The following ABLIM1 variants were observed in gnomAD, a reference collection of about 807,000 sequenced individuals.
The protein encoded by ABLIM1 is actin-binding LIM protein 1.
A neutral mutation model predicts 107.0 loss-of-function variants in ABLIM1; 40 were observed. The ratio of observed to expected loss-of-function variants is 0.37; its 90% CI spans 0.29 to 0.49. The LOEUF is 0.49. Ranked by LOEUF, ABLIM1 falls within the 20% of genes least tolerant of loss-of-function variation. ABLIM1 has a pLI of 0.97. For synonymous variants in ABLIM1, 357 were observed against 357.3 expected, an observed-to-expected ratio of 1.00 and a Z score of 0.01; for missense variants, 857 against 1,008.5, an observed-to-expected ratio of 0.85 and a Z score of 2.04.
intron 1 of ABLIM1, chr10:114,690,688 A>ATTT: frequency 7.4e-6 from 3 of 405,544 alleles, no homozygotes; most frequent in South Asian, 3.9e-5. Context: ...GCAAAAGCCT[A>ATTT]TTTTTTTTTT....
chr10:114,568,184 A>G (rs2071066276), intron 4 of ABLIM1, among the ~76,000 whole-genome samples: 1 of 133,034 alleles, frequency 7.5e-6, no homozygotes, highest in African/African-American at 3.3e-5. Context: ...GCGACAGAGC[A>G]AGACTCCGTC....
At chr10:114,586,517 T>C (rs1347705148) in intron 2 of ABLIM1, among the ~76,000 whole-genome samples, 1 of 152,240 alleles carries the variant, frequency 6.6e-6, no homozygotes, top group East Asian at 1.9e-4. Context: ...TTTAAGTATA[T>C]CATGGGTTCT....
chr10:114,752,701 T>C (rs1251414356), intron 1 of ABLIM1, among the ~76,000 whole-genome samples: 1 of 152,208 alleles, frequency 6.6e-6, no homozygotes, highest in Non-Finnish European at 1.5e-5. Flanking sequence ...TTTGGTTTTC[T>C]GTTCCTGAGT....
At chr10:114,609,054 AG>A (rs2076632018) in intron 1 of ABLIM1, among the ~76,000 whole-genome samples, 1 of 152,046 alleles carries the variant, frequency 6.6e-6, no homozygotes, top group Non-Finnish European at 1.5e-5. Context: ...CAAATCATCA[AG>A]CCTAAAGTTC....
At chr10:114,669,969 A>C (rs1346004243) in intron 1 of ABLIM1, among the ~76,000 whole-genome samples, 1 of 152,214 alleles carries the variant, frequency 6.6e-6, no homozygotes, top group African/African-American at 2.4e-5. Context: ...GTAATGCCTA[A>C]AAATGTAGAA....
chr10:114,713,180 G>A (rs1236575990), intron 1 of ABLIM1, among the ~76,000 whole-genome samples: 1 of 152,320 alleles, frequency 6.6e-6, no homozygotes, highest in Non-Finnish European at 1.5e-5. Context: ...ATCCTGGTAT[G>A]AGAAAATGCC....
At chr10:114,472,943 G>A in intron 10 of ABLIM1, 34 bp downstream of exon 10, 10 of 1,486,400 alleles carry the variant, frequency 6.7e-6, no homozygotes, top group Non-Finnish European at 9.0e-6. Flanking sequence ...AAGGTAAATT[G>A]TTGTACAACT....
At chr10:114,607,923 C>T (rs1214453676) in intron 1 of ABLIM1, among the ~76,000 whole-genome samples, 2 of 152,200 alleles carry the variant, frequency 1.3e-5, no homozygotes, top group East Asian at 1.9e-4. Context: ...TAGTTCATAA[C>T]AGTGTGCCAA....
At chr10:114,721,517 T>C (rs2081847628) in intron 1 of ABLIM1, among the ~76,000 whole-genome samples, 1 of 152,080 alleles carries the variant, frequency 6.6e-6, no homozygotes, top group Non-Finnish European at 1.5e-5. Context: ...AGTCTCCCTC[T>C]GTCACACAGG....
In ABLIM1 at chr10:114,704,575, T is replaced by C. The variant is rs557781841; in HGVS notation, c.-213+63486A>G. On this transcript the variant is annotated intron_variant, in intron 1 of 15. Coordinates refer to the ABLIM1 transcript ENST00000651092. ...TAAATTGGTTATAGCTCATTTATGC[T>C]TCATATCACTTTCTATAAAGTGATT... Among the ~76,000 whole-genome samples, 10 of 150,314 alleles carry C rather than the reference T, an allele frequency of 6.7e-5. No individual in the cohort carries two copies. The East Asian group carries it at 2.0e-3, about 29-fold the overall frequency.
rs188940362 is a variant in ABLIM1 at position 114,571,286 on chromosome 10, G to A, written c.673+11C>T. The A allele has an allele frequency of 3.9e-4, 636 of 1,613,404 alleles. No individual in the cohort carries two copies. In the African/African-American group the frequency reaches 5.4e-3, roughly 14 times the overall value. On this transcript the variant is annotated intron_variant, in intron 4 of 22. Transcript: ENST00000533213. ...TAGGTATTCACGTCAGTGGGTCACC[G>A]GGGCACTTACTGCTGGAGAAGGTGG...
At chr10:114,590,883 G>T (rs1371104988) in intron 2 of ABLIM1, among the ~76,000 whole-genome samples, 1 of 152,148 alleles carries the variant, frequency 6.6e-6, no homozygotes, top group South Asian at 2.1e-4. Flanking sequence ...ATTTGGTCTT[G>T]GTTGATCTTA....
chr10:114,511,306 T>C (rs1210199990), intron 6 of ABLIM1, among the ~76,000 whole-genome samples: 7 of 151,920 alleles, frequency 4.6e-5, no homozygotes, highest in African/African-American at 1.7e-4. Flanking sequence ...ATCCACGAGA[T>C]TTTATTCTAT....
At chr10:114,495,345 C>T (rs146796866) in intron 6 of ABLIM1, among the ~76,000 whole-genome samples, 457 of 152,126 alleles carry the variant, frequency 3.0e-3, no homozygotes, top group Non-Finnish European at 4.8e-3. Flanking sequence ...AGATCACAAG[C>T]TCTTGGAACC....
chr10:114,486,907 G>A (rs2058277007), intron 8 of ABLIM1, among the ~76,000 whole-genome samples: 1 of 152,120 alleles, frequency 6.6e-6, no homozygotes, highest in African/African-American at 2.4e-5. Flanking sequence ...CTGTGCATAC[G>A]TGTGGTTCAT....
chr10:114,636,952 G>C (rs2078509356), intron 1 of ABLIM1, among the ~76,000 whole-genome samples: 1 of 149,666 alleles, frequency 6.7e-6, no homozygotes, highest in African/African-American at 2.5e-5. Flanking sequence ...AGAATCGCTT[G>C]AACCCAGGAG....
intron 2 of ABLIM1, among the ~76,000 whole-genome samples, chr10:114,589,255 C>T (rs2074560843): frequency 6.9e-6 from 1 of 145,556 alleles, no homozygotes; most frequent in African/African-American, 2.5e-5. Flanking sequence ...CTTTGCTGGG[C>T]ACAGTGGCTT....
At chr10:114,508,682 T>C (rs1249457774) in intron 6 of ABLIM1, among the ~76,000 whole-genome samples, 2 of 152,220 alleles carry the variant, frequency 1.3e-5, no homozygotes, top group African/African-American at 2.4e-5. Context: ...AAGTGAGACC[T>C]TGACTTTACG....
intron 1 of ABLIM1, among the ~76,000 whole-genome samples, chr10:114,757,607 T>C (rs1458932344): frequency 5.9e-5 from 9 of 152,178 alleles, no homozygotes; most frequent in Non-Finnish European, 1.0e-4. Flanking sequence ...TAGAAACATT[T>C]CCAGAATCCA....
Sources: allele counts gnomAD v4.1 joint callset (sites outside exome capture counted in the v4.1 genomes callset), GRCh38; gene constraint gnomAD v4.1.1; transcripts MANE v1.5; gene names NCBI Gene and HGNC (gene_info 2026-07-23, HGNC 2026-07-21).